GRIK1: variants seen among roughly 807,000 people sequenced by gnomAD.
GRIK1 encodes glutamate ionotropic receptor kainate type subunit 1.
A neutral mutation model predicts 105.7 loss-of-function variants in GRIK1; 69 were observed. That is an observed-to-expected ratio of 0.65 (90% CI 0.54 to 0.80). GRIK1 has a LOEUF of 0.80. Ranked by LOEUF, GRIK1 falls within the 30% of genes least tolerant of loss-of-function variation. The pLI, the probability that GRIK1 is intolerant of heterozygous loss-of-function variation, is 0.00. For synonymous variants in GRIK1, 438 were observed against 431.3 expected (o/e 1.02, Z -0.19); for missense variants, 1,109 against 1,167.3 (o/e 0.95, Z 0.73).
chr21:29,884,870 C>T (rs1489109354), intron 1 of GRIK1, among the ~76,000 whole-genome samples: 1 of 151,994 alleles, frequency 6.6e-6, no homozygotes, highest in Non-Finnish European at 1.5e-5. Context: ...AACAGACATC[C>T]AGTGTTCACC....
At chr21:29,576,825 A>T (rs1601163340) in intron 14 of GRIK1, 139 bp downstream of exon 14, 4 of 608,738 alleles carry the variant, frequency 6.6e-6, no homozygotes. Context: ...GGGATTATGT[A>T]ATTATAAATT....
rs1018971828 is a variant in GRIK1 at position 29,766,085 on chromosome 21, G to C, written c.119-72022C>G. 2.0e-5 allele frequency among the ~76,000 whole-genome samples: 3 copies of C among 152,118 alleles called. No individual in the cohort carries two copies. The East Asian group carries it at 5.8e-4, about 29-fold the overall frequency. Reference sequence around the variant, plus strand: ...AGGTTGGTCTCGATCTCCTGACTTCGTGATCCGGCCGCCTTGGCCTCCAAA... The same window carrying C: ...AGGTTGGTCTCGATCTCCTGACTTCCTGATCCGGCCGCCTTGGCCTCCAAA... On this transcript the variant is annotated intron_variant, in intron 1 of 17. Transcript: ENST00000327783.
chr21:29,718,600 A>T (rs2064237808), intron 1 of GRIK1, among the ~76,000 whole-genome samples: 1 of 152,258 alleles, frequency 6.6e-6, no homozygotes, highest in African/African-American at 2.4e-5. Flanking sequence ...GAGATGTCAT[A>T]GGCCTTGCAT....
At chr21:29,743,601 A>G (rs911050236) in intron 1 of GRIK1, among the ~76,000 whole-genome samples, 5 of 152,158 alleles carry the variant, frequency 3.3e-5, no homozygotes, top group Non-Finnish European at 5.9e-5. Context: ...AGGCTGAGGT[A>G]GGAGAATCAC....
intron 7 of GRIK1, among the ~76,000 whole-genome samples, chr21:29,614,641 G>A (rs996061382): frequency 4.6e-5 from 7 of 151,020 alleles, no homozygotes; most frequent in African/African-American, 1.5e-4. Context: ...TCAAACTCTC[G>A]ACCTCAGGTG....
intron 7 of GRIK1, among the ~76,000 whole-genome samples, chr21:29,614,641 G>C (rs996061382): frequency 2.0e-5 from 3 of 151,020 alleles, no homozygotes; most frequent in Non-Finnish European, 4.4e-5. Flanking sequence ...TCAAACTCTC[G>C]ACCTCAGGTG....
chr21:29,788,823 A>G (rs1040341157), intron 1 of GRIK1, among the ~76,000 whole-genome samples: 4 of 152,148 alleles, frequency 2.6e-5, no homozygotes, highest in Non-Finnish European at 4.4e-5. Context: ...TGCACAATTC[A>G]TAATAGGGTT....
chr21:29,620,770 C>T (rs2061966014), intron 7 of GRIK1, among the ~76,000 whole-genome samples: 1 of 117,450 alleles, frequency 8.5e-6, no homozygotes, highest in African/African-American at 4.0e-5. Context: ...GTATGAAAGT[C>T]ATATATATAT....
intron 16 of GRIK1, among the ~76,000 whole-genome samples, chr21:29,542,021 AAAT>A (rs1201013334): frequency 1.7e-5 from 2 of 120,316 alleles, no homozygotes; most frequent in African/African-American, 5.5e-5. Context: ...CATTATCCAA[AAAT>A]AATGTAGAGT....
intron 3 of GRIK1, 100 bp downstream of exon 3, chr21:29,689,628 T>C (rs2063547200): frequency 3.9e-6 from 4 of 1,024,336 alleles, no homozygotes; most frequent in East Asian, 2.4e-5. Context: ...TAAAAGAGCA[T>C]TTTTATGCTC....
At chr21:29,661,847 T>A (rs1398210276) in intron 4 of GRIK1, among the ~76,000 whole-genome samples, 2 of 152,210 alleles carry the variant, frequency 1.3e-5, no homozygotes, top group Non-Finnish European at 2.9e-5. Flanking sequence ...GTTGACAACT[T>A]GCTAAGTTCC....
At chr21:29,926,291 A>G (rs548336435) in intron 1 of GRIK1, among the ~76,000 whole-genome samples, 1 of 152,316 alleles carries the variant, frequency 6.6e-6, no homozygotes, top group Admixed American at 6.5e-5. Context: ...AAAATTCTCT[A>G]CAACGGGCAC....
intron 1 of GRIK1, among the ~76,000 whole-genome samples, chr21:29,834,533 C>G (rs1361371700): frequency 1.3e-5 from 2 of 150,904 alleles, no homozygotes; most frequent in African/African-American, 2.4e-5. Flanking sequence ...TTGGCCTTCA[C>G]TTCCTACTTG....
intron 4 of GRIK1, among the ~76,000 whole-genome samples, chr21:29,657,132 T>C (rs1277643827): frequency 6.6e-6 from 1 of 152,192 alleles, no homozygotes; most frequent in Non-Finnish European, 1.5e-5. Context: ...CATTAGATAG[T>C]GTAATTGCAG....
chr21:29,773,599 G>T (rs181259614), intron 1 of GRIK1, among the ~76,000 whole-genome samples: 2 of 151,850 alleles, frequency 1.3e-5, no homozygotes, highest in Admixed American at 6.6e-5. Flanking sequence ...AGATCATCCC[G>T]CTTGGATTCC....
chr21:29,719,910 A>G (rs1026381508), intron 1 of GRIK1, among the ~76,000 whole-genome samples: 3 of 152,336 alleles, frequency 2.0e-5, no homozygotes, highest in Admixed American at 6.5e-5. Flanking sequence ...AATACATTTC[A>G]CAGACTATAG....
At chr21:29,725,059 T>G (rs958453180) in intron 1 of GRIK1, among the ~76,000 whole-genome samples, 13 of 151,144 alleles carry the variant, frequency 8.6e-5, no homozygotes, top group Non-Finnish European at 1.6e-4. Context: ...TGTTTAAAAT[T>G]ATTAATTACA....
chr21:29,799,842 T>A (rs993437991), intron 1 of GRIK1, among the ~76,000 whole-genome samples: 2 of 152,222 alleles, frequency 1.3e-5, no homozygotes, highest in African/African-American at 4.8e-5. Context: ...CCAGTTTTTT[T>A]AAACAGACAA....
rs2071897926 is a variant in GRIK1, at chr21:29,939,439, A to G, written c.62T>C (p.Leu21Pro). The change falls in exon 1 of 18, where the codon CTC (leucine) becomes CCC (proline). Residue 21 changes from leucine to proline, a missense_variant. Around this residue, in one of 5 missense-constraint regions of GRIK1, gnomAD observed 612 missense variants for 586.0 expected, o/e 1.04. Coordinates refer to ENST00000327783, the MANE Select transcript of GRIK1 (RefSeq NM_001330994.2). ...GLWTRDTSWALLYFLCYILPQ... is the reference protein window; with the variant it reads ...GLWTRDTSWAPLYFLCYILPQ... ...GAGGATATAGCAGAGGAAATAGAGG[A>G]GTGCCCAGCTGGTGTCCCTGGTCCA... 6.9e-6 allele frequency: 11 copies of G among 1,596,602 alleles called. No individual in the cohort carries two copies. Among genetic ancestry groups the G allele is most frequent in the Non-Finnish European group, 9.4e-6 (11 of 1,171,086 alleles).
Sources: gnomAD v4.1 joint callset for allele counts (sites outside exome capture counted in the v4.1 genomes callset) on GRCh38, gnomAD v4.1.1 for gene constraint, gnomAD v4.1.1 regional missense constraint, MANE v1.5 for transcripts, NCBI Gene and HGNC (gene_info 2026-07-23, HGNC 2026-07-21) for gene names.